SPOPL: variants seen among roughly 807,000 people sequenced by gnomAD.
SPOPL encodes speckle type BTB/POZ protein like, also known as speckle-type POZ protein-like.
In SPOPL, 23 loss-of-function variants were observed where a neutral mutation model predicts 53.8. The observed-to-expected ratio is 0.43, with a 90% CI of 0.31 to 0.61. The LOEUF is 0.61. Ranked by LOEUF, SPOPL falls within the 20% of genes least tolerant of loss-of-function variation. The pLI is 0.12. For synonymous variants in SPOPL, 164 were observed against 149.7 expected (o/e 1.10, Z -0.70); for missense variants, 442 against 466.9 (o/e 0.95, Z 0.49).
At chr2:138,550,355 A>G (rs752298309) in intron 2 of SPOPL, 61 bp downstream of exon 2, 5 of 1,603,174 alleles carry the variant, frequency 3.1e-6, no homozygotes, top group Non-Finnish European at 4.3e-6. Flanking sequence ...TATGTTGAGA[A>G]TAGTATTGTG....
chr2:138,540,408 C>T, intron 1 of SPOPL, among the ~76,000 whole-genome samples: 1 of 152,096 alleles, frequency 6.6e-6, no homozygotes, highest in East Asian at 1.9e-4. Context: ...TGTTTGTATC[C>T]TCTTTTATTT....
At chr2:138,531,600 A>G (rs1327597463) in intron 1 of SPOPL, among the ~76,000 whole-genome samples, 1 of 152,060 alleles carries the variant, frequency 6.6e-6, no homozygotes, top group East Asian at 1.9e-4. Flanking sequence ...TCTTTGTAAT[A>G]CCTATATTTT....
At position 138,526,727 on chromosome 2, in the gene SPOPL, A is replaced by ATTT. The variant is rs34816039; in HGVS notation, c.-60-23415_-60-23413dup. ...TCCTCATTCTTAAATAGAGTATGGA[A>ATTT]TTTTTTTTTTTTTTTTTGAGACAGC... On this transcript the variant is annotated intron_variant, in intron 1 of 10. Transcript: ENST00000280098. Among the ~76,000 whole-genome samples, 145 of 140,702 alleles carry ATTT rather than the reference A, an allele frequency of 1.0e-3. 1 individual carries two copies. The highest frequency in any genetic ancestry group is 6.1e-4 in the Non-Finnish European group (40 of 65,282). The allele number at this position is 140,702 out of a possible 152,430, so 92.3% of individuals were successfully genotyped here.
chr2:138,506,165 G>A (rs1056996920), intron 1 of SPOPL, among the ~76,000 whole-genome samples: 4 of 152,220 alleles, frequency 2.6e-5, no homozygotes, highest in African/African-American at 9.6e-5. Flanking sequence ...AGGTTGGAAA[G>A]AGGCAAGTGT....
At chr2:138,565,525 G>T (rs1365521141) in intron 10 of SPOPL, among the ~76,000 whole-genome samples, 1 of 152,052 alleles carries the variant, frequency 6.6e-6, no homozygotes, top group Admixed American at 6.6e-5. Context: ...ATCTTTCTAA[G>T]ACTGGATCTT....
intron 9 of SPOPL, 21 bp from the exon 10 acceptor site, chr2:138,564,919 A>G: frequency 6.2e-7 from 1 of 1,613,790 alleles, no homozygotes; most frequent in Non-Finnish European, 8.5e-7. Context: ...TTTTTTAAGT[A>G]TGTTTAAATC....
chr2:138,517,292 A>G (rs1396927872), intron 1 of SPOPL, among the ~76,000 whole-genome samples: 1 of 152,176 alleles, frequency 6.6e-6, no homozygotes, highest in East Asian at 1.9e-4. Context: ...ATCGATGCAT[A>G]TCTTTTAGAA....
chr2:138,564,985 G>C lies in SPOPL; in HGVS notation c.1026G>C (p.Trp342Cys). The change falls in exon 10 of 11, where the codon TGG becomes TGC. Residue 342 changes from tryptophan (W) to cysteine (C), a missense_variant. Coordinates refer to ENST00000280098, the MANE Select transcript of SPOPL (RefSeq NM_001001664.3). ...TTGGGTGTAAAGATGGGAAAAACTG[G>C]AACAGCAAGTAAGATGACATCAGTT... The part of the protein sequence containing the change: ...RQLGCKDGKN[W>C]NSNQATDIME... 3.1e-6 allele frequency: 5 copies of C among 1,613,974 alleles called. No homozygotes were observed. The highest frequency in any genetic ancestry group is 4.2e-6 in the Non-Finnish European group (5 of 1,179,984).
chr2:138,511,803 C>T (rs1246406044), intron 1 of SPOPL, among the ~76,000 whole-genome samples: 3 of 152,158 alleles, frequency 2.0e-5, no homozygotes, highest in African/African-American at 2.4e-5. Context: ...TCTGGACAAA[C>T]GTAGGTCTGC....
intron 5 of SPOPL, among the ~76,000 whole-genome samples, chr2:138,555,963 C>G (rs928662522): frequency 2.6e-5 from 4 of 151,922 alleles, no homozygotes; most frequent in Non-Finnish European, 5.9e-5. Flanking sequence ...ATTCTAGGTT[C>G]CATTCAGTAA....
At chr2:138,526,122 CT>C (rs1318523785) in intron 1 of SPOPL, among the ~76,000 whole-genome samples, 2 of 152,028 alleles carry the variant, frequency 1.3e-5, no homozygotes, top group African/African-American at 4.8e-5. Flanking sequence ...CTGACTATAA[CT>C]TTTTTTACTT....
rs554049123 is a variant in SPOPL at position 138,563,375 on chromosome 2, A to G, written c.838-1333A>G. Among the ~76,000 whole-genome samples, 14 of 152,216 alleles carry G rather than the reference A, an allele frequency of 9.2e-5. No homozygotes were observed. The South Asian group carries it at 2.9e-3, about 32-fold the overall frequency. ...CATGTGCCTTTAATCCCAGCTACTCAGGAGGCTGAGATGGGAGGATTCCTT... is the reference window on the plus strand; with the variant it reads ...CATGTGCCTTTAATCCCAGCTACTCGGGAGGCTGAGATGGGAGGATTCCTT... On this transcript the variant is annotated intron_variant, in intron 8 of 10. Transcript: ENST00000280098.
intron 1 of SPOPL, among the ~76,000 whole-genome samples, chr2:138,520,967 A>C (rs763409736): frequency 2.6e-5 from 4 of 152,232 alleles, no homozygotes; most frequent in Non-Finnish European, 5.9e-5. Context: ...ATACAATATT[A>C]TTAATACATA....
chr2:138,515,125 G>A (rs377675235), intron 1 of SPOPL, among the ~76,000 whole-genome samples: 3 of 152,206 alleles, frequency 2.0e-5, no homozygotes, highest in Admixed American at 6.5e-5. Context: ...AAAATGAGAC[G>A]GTCATGAAAA....
intron 1 of SPOPL, among the ~76,000 whole-genome samples, chr2:138,509,591 T>A (rs1203223658): frequency 1.3e-5 from 2 of 152,170 alleles, no homozygotes; most frequent in East Asian, 1.9e-4. Flanking sequence ...GGTGATTTTT[T>A]AAAAAAATAG....
intron 1 of SPOPL, among the ~76,000 whole-genome samples, chr2:138,535,372 A>G (rs181367340): frequency 1.3e-5 from 2 of 152,282 alleles, no homozygotes; most frequent in African/African-American, 2.4e-5. Flanking sequence ...CTAGGAGTAG[A>G]ATAGCTGGAT....
chr2:138,505,539 T>G (rs1174147998), intron 1 of SPOPL, among the ~76,000 whole-genome samples: 2 of 144,942 alleles, frequency 1.4e-5, no homozygotes, highest in Non-Finnish European at 3.0e-5. Context: ...GGCTTATCAC[T>G]TAAGGTCAGG....
At chr2:138,557,027 G>C (rs1685439858) in intron 5 of SPOPL, among the ~76,000 whole-genome samples, 1 of 152,054 alleles carries the variant, frequency 6.6e-6, no homozygotes, top group African/African-American at 2.4e-5. Flanking sequence ...GTGGTGGCAG[G>C]CACCTGTAGT....
chr2:138,564,906 C>T, intron 9 of SPOPL, 34 bp from the exon 10 acceptor site: 2 of 1,613,456 alleles, frequency 1.2e-6, no homozygotes, highest in Non-Finnish European at 1.7e-6. Context: ...TTTCTCTGGA[C>T]TTTTTTTTAA....
Sources: gnomAD v4.1 joint callset for allele counts (sites outside exome capture counted in the v4.1 genomes callset) on GRCh38, gnomAD v4.1.1 for gene constraint, MANE v1.5 for transcripts, NCBI Gene and HGNC (gene_info 2026-07-23, HGNC 2026-07-21) for gene names.